MYRIP: variants seen among roughly 807,000 people sequenced by gnomAD.
MYRIP encodes myosin VIIA and Rab interacting protein, also known as rab effector MyRIP.
A neutral mutation model predicts 98.0 loss-of-function variants in MYRIP; 49 were observed. The ratio of observed to expected loss-of-function variants is 0.50; its 90% CI spans 0.40 to 0.63. The LOEUF (loss-of-function observed/expected upper bound fraction) is 0.63. Ranked by LOEUF, MYRIP falls within the 30% of genes least tolerant of loss-of-function variation. MYRIP has a pLI of 0.00. For missense variants in MYRIP, 1,004 were observed against 1,058.2 expected (o/e 0.95, Z 0.71); for synonymous variants, 404 against 409.5 (o/e 0.99, Z 0.16).
intron 1 of MYRIP, among the ~76,000 whole-genome samples, chr3:39,891,656 A>G (rs1408651639): frequency 5.3e-5 from 8 of 152,122 alleles, no homozygotes; most frequent in Non-Finnish European, 1.0e-4. Context: ...GCATCAGTTC[A>G]TCTCTCTACT....
At chr3:39,876,897 A>G (rs1413058636) in intron 1 of MYRIP, among the ~76,000 whole-genome samples, 1 of 152,228 alleles carries the variant, frequency 6.6e-6, no homozygotes, top group South Asian at 2.1e-4. Context: ...CTGCCTTGCT[A>G]GATTGGGGAA....
chr3:39,895,289 C>A (rs1319293122), intron 1 of MYRIP, among the ~76,000 whole-genome samples: 1 of 151,778 alleles, frequency 6.6e-6, no homozygotes, highest in Non-Finnish European at 1.5e-5. Flanking sequence ...CGGGTTCGAG[C>A]GATTCTCCTG....
rs1255424661 is a variant in MYRIP at position 40,259,682 on chromosome 3, G to A, written c.*1516G>A. On this transcript the variant is annotated 3_prime_UTR_variant, in exon 17 of 17. Transcript: ENST00000302541. ...TGTGCTATGATCCACTCCTGATGGGGGTCTACATTAATCTTCCAGTACTCC... is the reference window on the plus strand; with the variant it reads ...TGTGCTATGATCCACTCCTGATGGGAGTCTACATTAATCTTCCAGTACTCC... The A allele has an allele frequency of 6.6e-6, 1 of 152,162 alleles. No homozygotes were observed. Among genetic ancestry groups the A allele is most frequent in the Non-Finnish European group, 1.5e-5 (1 of 68,032 alleles). The allele number at this position is 152,162 out of a possible 1,614,324, so 9.4% of individuals were successfully genotyped here.
intron 3 of MYRIP, among the ~76,000 whole-genome samples, chr3:40,100,763 C>T (rs112165728): frequency 6.6e-6 from 1 of 152,156 alleles, no homozygotes; most frequent in African/African-American, 2.4e-5. Flanking sequence ...ACTGATGAGA[C>T]CTGAATGTTC....
chr3:40,073,809 C>G (rs895330724), intron 3 of MYRIP, among the ~76,000 whole-genome samples: 1 of 152,200 alleles, frequency 6.6e-6, no homozygotes, highest in African/African-American at 2.4e-5. Context: ...GTCTCTGAGG[C>G]GTGAGGTTTT....
chr3:40,149,553 G>A (rs1950074917), intron 3 of MYRIP, among the ~76,000 whole-genome samples: 1 of 152,130 alleles, frequency 6.6e-6, no homozygotes, highest in Admixed American at 6.6e-5. Context: ...TTTATCTTTT[G>A]GGCCTAAGAC....
At position 40,170,003 on chromosome 3, in the gene MYRIP, A is replaced by C. The variant is rs1408186758; in HGVS notation, c.783A>C (p.Gly261=). The C allele has an allele frequency of 6.2e-7, 1 of 1,614,254 alleles. No homozygotes were observed. Among genetic ancestry groups the C allele is most frequent in the South Asian group, 1.1e-5 (1 of 91,092 alleles). The change falls in exon 8 of 17, where the codon GGA becomes GGC. Residue 261 remains glycine, a synonymous_variant. Transcript: ENST00000302541. ...AGCAGCAAGTGGAAGAAGAGCCAGGATGGCCACATCCCCAGAGTTGCAGCA... is the reference window on the plus strand; with the variant it reads ...AGCAGCAAGTGGAAGAAGAGCCAGGCTGGCCACATCCCCAGAGTTGCAGCA... ...KSEQQVEEEP[G]WPHPQSCSTK...
In MYRIP at chr3:40,134,023, G is replaced by A. The variant is rs150531099; in HGVS notation, c.333-17025G>A. Among the ~76,000 whole-genome samples the A allele has an allele frequency of 3.3e-3, 507 of 152,276 alleles. 3 individuals are homozygous for A. The highest frequency in any genetic ancestry group is 6.8e-3 in the Middle Eastern group (2 of 292). ...TGGGTTCATCTCACTGGGGAGTGCCGGACAGTGGGTGCAGGACAGTTGGTG... is the reference window on the plus strand; with the variant it reads ...TGGGTTCATCTCACTGGGGAGTGCCAGACAGTGGGTGCAGGACAGTTGGTG... On this transcript the variant is annotated intron_variant, in intron 3 of 16. Transcript: ENST00000302541.
chr3:40,188,958 A>G (rs1015350571), intron 9 of MYRIP, among the ~76,000 whole-genome samples: 4 of 152,210 alleles, frequency 2.6e-5, no homozygotes, highest in African/African-American at 9.6e-5. Context: ...CACCCCCAGC[A>G]TGCAGATCAA....
chr3:40,002,602 AAC>A (rs1258384872), intron 2 of MYRIP, among the ~76,000 whole-genome samples: 1 of 152,098 alleles, frequency 6.6e-6, no homozygotes, highest in East Asian at 1.9e-4. Context: ...TCTGCTCATA[AAC>A]ACAGCATAGC....
intron 1 of MYRIP, among the ~76,000 whole-genome samples, chr3:39,878,290 G>A (rs944451118): frequency 2.6e-5 from 4 of 152,208 alleles, no homozygotes; most frequent in African/African-American, 9.7e-5. Context: ...CTGACCCTTT[G>A]TGCTTCCCGA....
chr3:40,257,686 T>C (rs1953643256), intron 16 of MYRIP, among the ~76,000 whole-genome samples: 3 of 152,140 alleles, frequency 2.0e-5, no homozygotes, highest in African/African-American at 7.2e-5. Context: ...CAAAAGCACT[T>C]TGCAAAATTA....
intron 2 of MYRIP, among the ~76,000 whole-genome samples, chr3:39,993,710 A>G (rs1946235909): frequency 6.6e-6 from 1 of 152,192 alleles, no homozygotes; most frequent in African/African-American, 2.4e-5. Context: ...GCCCTACTGA[A>G]CCTACTTCTC....
At chr3:40,070,888 G>C (rs1345139193) in intron 3 of MYRIP, among the ~76,000 whole-genome samples, 2 of 152,086 alleles carry the variant, frequency 1.3e-5, no homozygotes, top group Non-Finnish European at 2.9e-5. Flanking sequence ...AGAGATGTTG[G>C]GCATCTAAAA....
rs137922887 is a variant in MYRIP, at chr3:40,250,200, C to A, written c.2263-22C>A. 129 of 1,568,086 alleles carry A rather than the reference C, an allele frequency of 8.2e-5. 1 individual carries two copies. The African/African-American group carries it at 1.5e-3, about 18-fold the overall frequency. On this transcript the variant is annotated intron_variant, in intron 13 of 16. Transcript: ENST00000302541. ...CCTTCCGTATTTTCTCCCTGCCAAT[C>A]TTGTCTTTCTGTTGCTTTAAGATTT... is the stretch of plus-strand genomic sequence containing the variant.
chr3:39,872,427 G>T (rs1358821787), intron 1 of MYRIP, among the ~76,000 whole-genome samples: 1 of 151,740 alleles, frequency 6.6e-6, no homozygotes, highest in East Asian at 1.9e-4. Flanking sequence ...ATGTTGGTAT[G>T]CTGCACCCAT....
chr3:40,047,824 C>T (rs956493084), intron 3 of MYRIP, among the ~76,000 whole-genome samples: 1 of 152,160 alleles, frequency 6.6e-6, no homozygotes, highest in East Asian at 1.9e-4. Flanking sequence ...GTACCTGGAT[C>T]ACATTCTTGT....
At chr3:39,889,062 C>A (rs1275090170) in intron 1 of MYRIP, among the ~76,000 whole-genome samples, 1 of 151,908 alleles carries the variant, frequency 6.6e-6, no homozygotes, top group African/African-American at 2.4e-5. Flanking sequence ...GAAATAGGAA[C>A]ACTTTTACAC....
At chr3:40,176,636 A>G (rs1575598282) in intron 8 of MYRIP, among the ~76,000 whole-genome samples, 1 of 152,098 alleles carries the variant, frequency 6.6e-6, no homozygotes, top group Non-Finnish European at 1.5e-5. Flanking sequence ...CCAGGTGCCC[A>G]GGTGCTCACG....
Sources: gnomAD v4.1 joint callset for allele counts (sites outside exome capture counted in the v4.1 genomes callset) on GRCh38, gnomAD v4.1.1 for gene constraint, MANE v1.5 for transcripts, NCBI Gene and HGNC (gene_info 2026-07-23, HGNC 2026-07-21) for gene names.